COBL: variants seen among roughly 807,000 people sequenced by gnomAD.
The protein encoded by COBL is cordon-bleu WH2 repeat protein.
COBL carries 51 observed loss-of-function variants against 98.8 expected under a neutral mutation model. That is an observed-to-expected ratio of 0.52 (90% CI 0.41 to 0.65). The LOEUF is 0.65. Ranked by LOEUF, COBL falls within the 30% of genes least tolerant of loss-of-function variation. The pLI is 0.00. For synonymous variants in COBL, 634 were observed against 651.7 expected (o/e 0.97, Z 0.41); for missense variants, 1,617 against 1,617.5 (o/e 1.00, Z 0.01).
chr7:51,127,627 T>C (rs1034778367), intron 6 of COBL, among the ~76,000 whole-genome samples: 1 of 152,070 alleles, frequency 6.6e-6, no homozygotes, highest in Non-Finnish European at 1.5e-5. Flanking sequence ...GCATTCACAA[T>C]AGGCCCCAAA....
intron 7 of COBL, among the ~76,000 whole-genome samples, chr7:51,044,112 A>C (rs1789466561): frequency 6.6e-6 from 1 of 152,254 alleles, no homozygotes; most frequent in Non-Finnish European, 1.5e-5. Context: ...ATAAGCAGAC[A>C]TAAGTATCAG....
intron 1 of COBL, among the ~76,000 whole-genome samples, chr7:51,234,702 G>GA (rs71021761): frequency 2.0e-3 from 230 of 114,026 alleles, no homozygotes; most frequent in East Asian, 0.012. Flanking sequence ...CCCTGTTTCA[G>GA]AAAAAAAAAA....
At chr7:51,302,676 T>C (rs1327533055) in intron 1 of COBL, among the ~76,000 whole-genome samples, 4 of 151,384 alleles carry the variant, frequency 2.6e-5, no homozygotes, top group East Asian at 3.9e-4. Context: ...ACAGGGAGGA[T>C]TGCTTAAGGC....
intron 1 of COBL, among the ~76,000 whole-genome samples, chr7:51,229,463 T>G (rs1794525672): frequency 6.6e-6 from 1 of 152,160 alleles, no homozygotes; most frequent in Non-Finnish European, 1.5e-5. Context: ...GCAGCAACCT[T>G]ACTTCCTTTT....
intron 1 of COBL, among the ~76,000 whole-genome samples, chr7:51,268,107 C>A (rs919738472): frequency 6.6e-6 from 1 of 152,124 alleles, no homozygotes. Context: ...GTGTCCGCTG[C>A]GGGTGTCCTC....
intron 2 of COBL, among the ~76,000 whole-genome samples, chr7:51,199,103 G>A (rs184981482): frequency 5.3e-5 from 8 of 152,210 alleles, no homozygotes; most frequent in African/African-American, 7.2e-5. Flanking sequence ...TAACATGCTC[G>A]CTGACCTCAG....
intron 5 of COBL, among the ~76,000 whole-genome samples, chr7:51,173,671 A>G (rs1427400708): frequency 2.0e-5 from 3 of 152,248 alleles, no homozygotes; most frequent in African/African-American, 7.2e-5. Context: ...AAATGAGAAT[A>G]TTTGGGTACA....
chr7:51,227,537 A>C (rs1794323774), intron 1 of COBL, among the ~76,000 whole-genome samples: 1 of 152,122 alleles, frequency 6.6e-6, no homozygotes, highest in Non-Finnish European at 1.5e-5. Flanking sequence ...AGCCAGGAGC[A>C]CCTGCTATGG....
At chr7:51,157,000 C>T (rs969101118) in intron 5 of COBL, among the ~76,000 whole-genome samples, 1 of 152,190 alleles carries the variant, frequency 6.6e-6, no homozygotes, top group African/African-American at 2.4e-5. Flanking sequence ...CCCTCTGACT[C>T]TACCTCCTCG....
intron 5 of COBL, among the ~76,000 whole-genome samples, chr7:51,178,046 T>C (rs149433007): frequency 6.6e-6 from 1 of 152,182 alleles, no homozygotes; most frequent in African/African-American, 2.4e-5. Flanking sequence ...CTGCGGAGGC[T>C]GGAGCAGGAG....
intron 6 of COBL, among the ~76,000 whole-genome samples, chr7:51,097,809 G>A (rs966129104): frequency 4.6e-5 from 7 of 152,042 alleles, no homozygotes; most frequent in Admixed American, 6.6e-5. Flanking sequence ...GGATCACAAG[G>A]TCAGCAGATC....
At chr7:51,159,284 G>A (rs951766803) in intron 5 of COBL, among the ~76,000 whole-genome samples, 1 of 152,206 alleles carries the variant, frequency 6.6e-6, no homozygotes, top group Non-Finnish European at 1.5e-5. Context: ...AGGCCAGGCT[G>A]TGTGAAGTGG....
chr7:51,292,735 C>CTAGA (rs1339890044), intron 1 of COBL, among the ~76,000 whole-genome samples: 1 of 152,238 alleles, frequency 6.6e-6, no homozygotes, highest in African/African-American at 2.4e-5. Context: ...ACTCCAGAGC[C>CTAGA]TAGAAAGCAA....
chr7:51,297,423 A>C lies in COBL; in HGVS notation c.41+19170T>G, dbSNP rs190389602. Among the ~76,000 whole-genome samples the C allele has an allele frequency of 3.4e-3, 423 of 125,138 alleles. 5 individuals carry two copies. The highest frequency in any genetic ancestry group is 4.0e-3 in the Non-Finnish European group (257 of 63,550). 82.1% of individuals were successfully genotyped at this position (125,138 alleles called of 152,430 possible). On this transcript the variant is annotated intron_variant, in intron 1 of 12. Coordinates refer to ENST00000265136, the MANE Select transcript of COBL (RefSeq NM_015198.5). ...TTTTTTTTTTTTGAGATGGAGTCTCACTCTGTCATGCAGGCTGGAGTGCAA... is the reference window on the plus strand; with the variant it reads ...TTTTTTTTTTTTGAGATGGAGTCTCCCTCTGTCATGCAGGCTGGAGTGCAA...
intron 7 of COBL, among the ~76,000 whole-genome samples, chr7:51,045,307 T>C (rs1283704226): frequency 5.3e-5 from 8 of 152,240 alleles, no homozygotes; most frequent in Non-Finnish European, 8.8e-5. Context: ...ACAGGGTCCC[T>C]GTTGCTAAGT....
intron 6 of COBL, among the ~76,000 whole-genome samples, chr7:51,086,957 C>A (rs1332342601): frequency 6.6e-6 from 1 of 151,866 alleles, no homozygotes; most frequent in African/African-American, 2.4e-5. Context: ...TTGTCCACCA[C>A]CCCCTCTCCA....
chr7:51,156,202 A>G, intron 5 of COBL: 1 of 985,142 alleles, frequency 1.0e-6, no homozygotes, highest in Non-Finnish European at 1.2e-6. Flanking sequence ...GCACACACAC[A>G]CACACACACA....
At chr7:51,208,490 G>A (rs1370734179) in intron 2 of COBL, among the ~76,000 whole-genome samples, 25 of 150,108 alleles carry the variant, frequency 1.7e-4, no homozygotes, top group South Asian at 4.2e-4. Flanking sequence ...GGTGAGGGGC[G>A]CCTCTGCCCG....
At chr7:51,114,387 G>A (rs1358257060) in intron 6 of COBL, among the ~76,000 whole-genome samples, 3 of 150,304 alleles carry the variant, frequency 2.0e-5, no homozygotes, top group African/African-American at 7.3e-5. Flanking sequence ...AAAAAATCCA[G>A]AGATAATAAG....
Sources: allele counts gnomAD v4.1 joint callset (sites outside exome capture counted in the v4.1 genomes callset), GRCh38; gene constraint gnomAD v4.1.1; transcripts MANE v1.5; gene names NCBI Gene and HGNC (gene_info 2026-07-23, HGNC 2026-07-21).